VAV3: variants seen among roughly 807,000 people sequenced by gnomAD.
VAV3 encodes the protein guanine nucleotide exchange factor VAV3.
A neutral mutation model predicts 131.2 loss-of-function variants in VAV3; 94 were observed. That is an observed-to-expected ratio of 0.72 (90% CI 0.61 to 0.85). The LOEUF (loss-of-function observed/expected upper bound fraction) is 0.85. Ranked by LOEUF, VAV3 falls within the 40% of genes least tolerant of loss-of-function variation. The probability of loss-of-function intolerance (pLI) is 0.00; values close to 1 mark genes in which losing one functional copy is unlikely to be tolerated. For missense variants in VAV3, 939 were observed against 1,002.7 expected (o/e 0.94, Z 0.86); for synonymous variants, 349 against 342.0 (o/e 1.02, Z -0.22).
rs1674455372 is a variant in VAV3, at chr1:107,949,963, T to A, written c.204+14703A>T. Among the ~76,000 whole-genome samples, 3 of 152,276 alleles carry A rather than the reference T, an allele frequency of 2.0e-5. No individual in the cohort carries two copies. In the South Asian group the frequency reaches 6.2e-4, roughly 32 times the overall value. On this transcript the variant is annotated intron_variant, in intron 1 of 26. Transcript: ENST00000370056. ...AAAAGAAAGTTGTACTACTGAATCATAACATTACTGAAAACAGGCTTGCAA... is the reference window on the plus strand; with the variant it reads ...AAAAGAAAGTTGTACTACTGAATCAAAACATTACTGAAAACAGGCTTGCAA...
intron 19 of VAV3, among the ~76,000 whole-genome samples, chr1:107,675,077 T>C (rs984792096): frequency 1.3e-5 from 2 of 152,202 alleles, no homozygotes; most frequent in Non-Finnish European, 2.9e-5. Context: ...GCCGATATCT[T>C]AAGTGAAGTA....
intron 10 of VAV3, 92 bp from the exon 11 acceptor site, chr1:107,757,421 G>T: frequency 9.2e-7 from 1 of 1,090,826 alleles, no homozygotes; most frequent in South Asian, 1.7e-5. Context: ...CATTATTATT[G>T]GTTTTCTCTC....
In VAV3 at chr1:107,688,380, C is replaced by T; in HGVS notation, c.1731+1G>A. On this transcript the variant is annotated splice_donor_variant, in intron 18 of 26. Transcript: ENST00000370056. LOFTEE classifies it high-confidence loss of function. ...AAAAATATTTAAAATGTTAATCTTA[C>T]CTCTGGTAGTTTGAGTGTCCCTTGT... The T allele has an allele frequency of 1.9e-6, 3 of 1,612,882 alleles. No individual in the cohort carries two copies.
intron 6 of VAV3, among the ~76,000 whole-genome samples, chr1:107,769,269 A>T (rs1319119834): frequency 1.3e-5 from 2 of 152,086 alleles, no homozygotes; most frequent in African/African-American, 2.4e-5. Flanking sequence ...TTTCTAGAAA[A>T]ACAAACACCC....
chr1:107,955,513 G>A lies in VAV3; in HGVS notation c.204+9153C>T, dbSNP rs570541525. Among the ~76,000 whole-genome samples the A allele has an allele frequency of 1.9e-3, 288 of 151,640 alleles. 8 individuals carry two copies. The South Asian group carries it at 0.059, about 31-fold the overall frequency. ...AAAGCCTGGAAGGGAGACGGATAAGGAAAAAAAACTGCAAAACAGCAAGAA... is the reference window on the plus strand; with the variant it reads ...AAAGCCTGGAAGGGAGACGGATAAGAAAAAAAAACTGCAAAACAGCAAGAA... On this transcript the variant is annotated intron_variant, in intron 1 of 26. Transcript: ENST00000370056.
Position 107,749,559 on chromosome 1 carries a change from C to T in VAV3, c.1295G>A (p.Cys432Tyr). The change falls in exon 14 of 27, where the codon TGT (cysteine) becomes TAT (tyrosine). Residue 432 changes from cysteine (C) to tyrosine (Y), a missense_variant. Transcript: ENST00000370056. Reference sequence around the variant, plus strand: ...TTCATAGTTATCACCTTTTCTCTTACATACGATCACTGCCAAATCAAATAA... The same window carrying T: ...TTCATAGTTATCACCTTTTCTCTTATATACGATCACTGCCAAATCAAATAA... ...IFLFDLAVIV[C>Y]KRKGDNYEMK... 6.2e-7 allele frequency: 1 copy of T among 1,611,360 alleles called. No homozygotes were observed. The highest frequency in any genetic ancestry group is 8.5e-7 in the Non-Finnish European group (1 of 1,179,188).
chr1:107,883,489 G>A (rs1670880989), intron 1 of VAV3, among the ~76,000 whole-genome samples: 1 of 151,896 alleles, frequency 6.6e-6, no homozygotes, highest in Admixed American at 6.6e-5. Context: ...TAGTAGTCAG[G>A]GAACTCAGTA....
chr1:107,718,269 C>A (rs1661245986), intron 15 of VAV3, among the ~76,000 whole-genome samples: 1 of 152,116 alleles, frequency 6.6e-6, no homozygotes, highest in Non-Finnish European at 1.5e-5. Flanking sequence ...ATCAGTTTGT[C>A]CCTGTTCACA....
chr1:107,927,498 G>A lies in VAV3; in HGVS notation c.204+37168C>T, dbSNP rs1673219369. Among the ~76,000 whole-genome samples, 3 of 151,670 alleles carry A rather than the reference G, an allele frequency of 2.0e-5. No individual in the cohort carries two copies. In the South Asian group the frequency reaches 6.3e-4, roughly 32 times the overall value. On this transcript the variant is annotated intron_variant, in intron 1 of 26. Transcript: ENST00000370056. ...GATATAGTACCAAGTGGGCTCTGGG[G>A]GGTCTCCAATTACAGGCTTAGCTCT...
intron 24 of VAV3, among the ~76,000 whole-genome samples, chr1:107,597,607 A>G (rs1241856805): frequency 6.6e-6 from 1 of 152,174 alleles, no homozygotes; most frequent in Non-Finnish European, 1.5e-5. Context: ...GAACTAGTAA[A>G]ATTACAATAG....
chr1:107,678,278 T>A (rs1173184635), intron 19 of VAV3, among the ~76,000 whole-genome samples: 1 of 152,214 alleles, frequency 6.6e-6, no homozygotes, highest in African/African-American at 2.4e-5. Flanking sequence ...CATTTACAAT[T>A]ATGCTCCCAA....
chr1:107,957,625 G>C (rs1025313771), intron 1 of VAV3, among the ~76,000 whole-genome samples: 4 of 152,002 alleles, frequency 2.6e-5, no homozygotes, highest in Non-Finnish European at 5.9e-5. Context: ...TCAATAAAGA[G>C]AAGCCAGCAA....
chr1:107,634,704 A>C (rs915175824), intron 20 of VAV3, among the ~76,000 whole-genome samples: 1 of 150,776 alleles, frequency 6.6e-6, no homozygotes, highest in African/African-American at 2.4e-5. Flanking sequence ...CATGGGAGAA[A>C]ATTTTTGCAA....
intron 2 of VAV3, among the ~76,000 whole-genome samples, chr1:107,856,536 A>G (rs1669477285): frequency 6.6e-6 from 1 of 152,232 alleles, no homozygotes; most frequent in African/African-American, 2.4e-5. Flanking sequence ...AAATATTAAA[A>G]AAAAAATCAA....
intron 2 of VAV3, among the ~76,000 whole-genome samples, chr1:107,794,755 T>C (rs2102282227): frequency 6.6e-6 from 1 of 152,336 alleles, no homozygotes; most frequent in Admixed American, 6.5e-5. Flanking sequence ...AGTCATTAGC[T>C]CCTCTGACTG....
intron 19 of VAV3, chr1:107,669,307 G>A: frequency 7.8e-7 from 1 of 1,289,300 alleles, no homozygotes; most frequent in Non-Finnish European, 1.0e-6. Flanking sequence ...GAGCTACCCA[G>A]TATTGTTGCT....
intron 12 of VAV3, among the ~76,000 whole-genome samples, chr1:107,753,559 C>CACACAG (rs1553201329): frequency 1.1e-5 from 1 of 92,446 alleles, no homozygotes; most frequent in African/African-American, 3.9e-5. Context: ...TACACACACA[C>CACACAG]ACTTTTTTTT....
intron 2 of VAV3, among the ~76,000 whole-genome samples, chr1:107,863,530 C>T (rs1414418528): frequency 1.3e-5 from 2 of 152,222 alleles, no homozygotes; most frequent in Non-Finnish European, 2.9e-5. Flanking sequence ...ACTCTGGCCC[C>T]AATCTCTGCT....
chr1:107,762,945 A>G (rs758430175), intron 9 of VAV3, among the ~76,000 whole-genome samples: 29 of 152,352 alleles, frequency 1.9e-4, no homozygotes, highest in South Asian at 4.1e-4. Context: ...CCAGGCTGAT[A>G]GGGCAAGATA....
Sources: gnomAD v4.1 joint callset for allele counts (sites outside exome capture counted in the v4.1 genomes callset) on GRCh38, gnomAD v4.1.1 for gene constraint, MANE v1.5 for transcripts, NCBI Gene and HGNC (gene_info 2026-07-23, HGNC 2026-07-21) for gene names.